NDUFAF2: variants seen among roughly 807,000 people sequenced by gnomAD.
NDUFAF2 encodes the protein NADH:ubiquinone oxidoreductase complex assembly factor 2.
Under a neutral mutation model 22.8 loss-of-function variants are expected in NDUFAF2, and 13 were observed. The observed-to-expected ratio is 0.57, with a 90% CI of 0.37 to 0.91. NDUFAF2 has a LOEUF of 0.91. NDUFAF2 is among the 40% of genes least tolerant of loss of function. NDUFAF2 has a pLI of 0.01. For synonymous variants in NDUFAF2, 53 were observed against 64.2 expected, an observed-to-expected ratio of 0.83 and a Z score of 0.84; for missense variants, 162 against 195.2, an observed-to-expected ratio of 0.83 and a Z score of 1.01.
chr5:61,127,908 C>T (rs1281514582), intron 3 of NDUFAF2, among the ~76,000 whole-genome samples: 1 of 152,072 alleles, frequency 6.6e-6, no homozygotes. Flanking sequence ...TTGTCTCAGC[C>T]CAAAATCTCC....
At chr5:60,993,998 G>C (rs540277831) in intron 1 of NDUFAF2, among the ~76,000 whole-genome samples, 4 of 152,354 alleles carry the variant, frequency 2.6e-5, no homozygotes, top group African/African-American at 9.6e-5. Flanking sequence ...TTCTGCCCAG[G>C]CTATTCATGC....
At chr5:61,021,617 C>G (rs926693267) in intron 1 of NDUFAF2, among the ~76,000 whole-genome samples, 1 of 152,162 alleles carries the variant, frequency 6.6e-6, no homozygotes, top group African/African-American at 2.4e-5. Flanking sequence ...ATATCATTTT[C>G]CTTCCCCCAC....
At chr5:61,030,276 AC>A (rs1751706937) in intron 1 of NDUFAF2, among the ~76,000 whole-genome samples, 1 of 152,136 alleles carries the variant, frequency 6.6e-6, no homozygotes, top group African/African-American at 2.4e-5. Flanking sequence ...GGCACTTCTG[AC>A]ACATATGGTT....
intron 3 of NDUFAF2, among the ~76,000 whole-genome samples, chr5:61,144,387 ATATCT>A (rs1271590891): frequency 6.6e-6 from 1 of 152,214 alleles, no homozygotes; most frequent in Admixed American, 6.5e-5. Context: ...GACATTTTAC[ATATCT>A]TAAATTAATA....
chr5:61,069,481 A>C (rs1752269233), intron 1 of NDUFAF2, among the ~76,000 whole-genome samples: 1 of 152,198 alleles, frequency 6.6e-6, no homozygotes, highest in Non-Finnish European at 1.5e-5. Flanking sequence ...CAACTAGCAC[A>C]TTAAGTCAGT....
chr5:61,068,598 C>T (rs980533056), intron 1 of NDUFAF2, among the ~76,000 whole-genome samples: 8 of 151,940 alleles, frequency 5.3e-5, no homozygotes, highest in Admixed American at 3.3e-4. Flanking sequence ...TTGAGTCACG[C>T]GCTTACAGGT....
chr5:60,961,297 T>C (rs1172755376), intron 1 of NDUFAF2, among the ~76,000 whole-genome samples: 1 of 149,612 alleles, frequency 6.7e-6, no homozygotes, highest in Non-Finnish European at 1.5e-5. Context: ...CTATCTCTAT[T>C]AAAAATACAA....
chr5:61,067,845 T>C (rs1266114090), intron 1 of NDUFAF2, among the ~76,000 whole-genome samples: 4 of 152,082 alleles, frequency 2.6e-5, no homozygotes, highest in Admixed American at 6.6e-5. Context: ...TTTTAATGAT[T>C]GCCATTCTAA....
chr5:61,045,145 TAAAATAAAATAAA>T, intron 1 of NDUFAF2, among the ~76,000 whole-genome samples: 4 of 118,002 alleles, frequency 3.4e-5, no homozygotes, highest in African/African-American at 1.3e-4. Flanking sequence ...TAAATTTTAA[TAAAATAAAATAAA>T]GTTTTATTAA....
rs4647034 is a variant in NDUFAF2, at chr5:60,945,623, C to T, written c.127+241C>T. 0.024 allele frequency among the ~76,000 whole-genome samples: 3,666 copies of T among 152,336 alleles called. 63 individuals carry two copies. Among genetic ancestry groups the T allele is most frequent in the Non-Finnish European group, 0.037 (2,545 of 68,040 alleles). On this transcript the variant is annotated intron_variant, in intron 1 of 3. Transcript: ENST00000296597. The stretch of plus-strand genomic sequence containing the variant: ...GTCCGCGGTCCCTACTACCCAGCGC[C>T]TTCCCCCGGCGTGCCCCGGGCTGCT...
chr5:61,088,273 A>G (rs377248165), intron 2 of NDUFAF2, among the ~76,000 whole-genome samples: 1 of 152,094 alleles, frequency 6.6e-6, no homozygotes, highest in African/African-American at 2.4e-5. Context: ...ATATAACGTA[A>G]TCACATGAGC....
intron 1 of NDUFAF2, among the ~76,000 whole-genome samples, chr5:61,009,913 C>T (rs774479505): frequency 6.6e-6 from 1 of 152,060 alleles, no homozygotes; most frequent in Admixed American, 6.6e-5. Context: ...CACATCTCCT[C>T]TAGTATTTCT....
intron 3 of NDUFAF2, among the ~76,000 whole-genome samples, chr5:61,120,759 A>G (rs1752965722): frequency 6.6e-6 from 1 of 152,078 alleles, no homozygotes; most frequent in African/African-American, 2.4e-5. Flanking sequence ...CACTAAGACA[A>G]GTCTCATTTA....
intron 3 of NDUFAF2, among the ~76,000 whole-genome samples, chr5:61,108,772 A>T (rs1579834521): frequency 6.6e-6 from 1 of 151,970 alleles, no homozygotes; most frequent in East Asian, 1.9e-4. Flanking sequence ...TTCACTGTAG[A>T]TGTGTGGATT....
At chr5:61,042,100 A>T (rs945933366) in intron 1 of NDUFAF2, among the ~76,000 whole-genome samples, 7 of 152,216 alleles carry the variant, frequency 4.6e-5, no homozygotes, top group Non-Finnish European at 1.0e-4. Flanking sequence ...TAGAACTATT[A>T]TTTTAAATAC....
chr5:61,017,106 C>T (rs187602728), intron 1 of NDUFAF2, among the ~76,000 whole-genome samples: 1 of 152,284 alleles, frequency 6.6e-6, no homozygotes. Flanking sequence ...TTCACTCTTG[C>T]TTTTTTCTAT....
chr5:61,058,596 G>A lies in NDUFAF2; in HGVS notation c.128-14529G>A, dbSNP rs78331776. On this transcript the variant is annotated intron_variant, in intron 1 of 3. Transcript: ENST00000296597. ...TTTAGCTAAAAAAATTTTCATCCCC[G>A]CCTTTTTTCCTTCCTTTTTGTGTGT... is the stretch of plus-strand genomic sequence containing the variant. Among the ~76,000 whole-genome samples, 1,340 of 151,634 alleles carry A rather than the reference G, an allele frequency of 8.8e-3. 23 individuals are homozygous for A. The highest frequency in any genetic ancestry group is 0.031 in the African/African-American group (1,273 of 41,364).
At chr5:60,971,364 G>T (rs1378735050) in intron 1 of NDUFAF2, among the ~76,000 whole-genome samples, 2 of 150,464 alleles carry the variant, frequency 1.3e-5, no homozygotes, top group Non-Finnish European at 2.9e-5. Context: ...TCAGCTCACT[G>T]CAAGCTCCGC....
chr5:61,049,088 A>G (rs917086052), intron 1 of NDUFAF2, among the ~76,000 whole-genome samples: 2 of 152,168 alleles, frequency 1.3e-5, no homozygotes, highest in South Asian at 4.1e-4. Flanking sequence ...TTATATATAT[A>G]GAATTTTAGT....
Sources: gnomAD v4.1 joint callset for allele counts (sites outside exome capture counted in the v4.1 genomes callset) on GRCh38, gnomAD v4.1.1 for gene constraint, MANE v1.5 for transcripts, NCBI Gene and HGNC (gene_info 2026-07-23, HGNC 2026-07-21) for gene names.